FBLN7: variants seen among roughly 807,000 people sequenced by gnomAD.
FBLN7 encodes the protein fibulin 7.
Under a neutral mutation model 44.0 loss-of-function variants are expected in FBLN7, and 31 were observed. The observed-to-expected ratio is 0.70, with a 90% CI of 0.53 to 0.95. The LOEUF is 0.95. Among genes scored for constraint, FBLN7 ranks in the 40% least tolerant of loss-of-function variants. The probability of loss-of-function intolerance (pLI) is 0.00; values close to 1 mark genes in which losing one functional copy is unlikely to be tolerated. For synonymous variants in FBLN7, 262 were observed against 253.4 expected (o/e 1.03, Z -0.32); for missense variants, 573 against 618.5 (o/e 0.93, Z 0.78).
At chr2:112,193,001 A>G (rs999762632), downstream of FBLN7, among the ~76,000 whole-genome samples, 2 of 152,204 alleles carry the variant, frequency 1.3e-5, no homozygotes, top group African/African-American at 4.8e-5. Context: ...AACTACAAAA[A>G]CAAAAGCAGT....
chr2:112,160,846 GCGCA>G lies in FBLN7; in HGVS notation c.235+1013_235+1016del, dbSNP rs1365404827. The stretch of plus-strand genomic sequence containing the variant: ...CAAGCACGCATACACGCACGCACAC[GCGCA>G]CACACACACACACACACTCAGCCCG... On this transcript the variant is annotated intron_variant, in intron 2 of 7. Coordinates refer to ENST00000331203, the MANE Select transcript of FBLN7 (RefSeq NM_153214.3). Among the ~76,000 whole-genome samples, 81 of 105,364 alleles carry G rather than the reference GCGCA, an allele frequency of 7.7e-4. 1 individual carries two copies. Among genetic ancestry groups the G allele is most frequent in the African/African-American group, 3.0e-3 (78 of 25,616 alleles). 69.1% of individuals were successfully genotyped at this position (105,364 alleles called of 152,430 possible).
chr2:112,145,385 C>T (rs1483614767), intron 1 of FBLN7, among the ~76,000 whole-genome samples: 1 of 152,106 alleles, frequency 6.6e-6, no homozygotes, highest in African/African-American at 2.4e-5. Flanking sequence ...GACCCTCCTG[C>T]CTCAGCCTCT....
intron 1 of FBLN7, among the ~76,000 whole-genome samples, chr2:112,159,452 T>G (rs991809865): frequency 6.6e-6 from 1 of 152,138 alleles, no homozygotes; most frequent in African/African-American, 2.4e-5. Flanking sequence ...ACCCGGTCAT[T>G]TAGAGTCATC....
At chr2:112,150,963 C>T (rs1681129936) in intron 1 of FBLN7, among the ~76,000 whole-genome samples, 1 of 152,190 alleles carries the variant, frequency 6.6e-6, no homozygotes, top group Non-Finnish European at 1.5e-5. Context: ...CCACGAGCTA[C>T]TCCAGGTTAA....
At chr2:112,226,128 TAAGAC>T in the FBLN7 span, among the ~76,000 whole-genome samples, 1 of 151,496 alleles carries the variant, frequency 6.6e-6, no homozygotes, top group Non-Finnish European at 1.5e-5. Context: ...AAAAGGATTA[TAAGAC>T]AATACTATAA....
At chr2:112,178,526 A>G (rs1682840393) in intron 4 of FBLN7, among the ~76,000 whole-genome samples, 1 of 152,186 alleles carries the variant, frequency 6.6e-6, no homozygotes, top group East Asian at 1.9e-4. Context: ...TCTCGATACC[A>G]AAACCTGGCA....
At chr2:112,192,309 G>C (rs556211528), downstream of FBLN7, among the ~76,000 whole-genome samples, 1 of 152,150 alleles carries the variant, frequency 6.6e-6, no homozygotes, top group South Asian at 2.1e-4. Flanking sequence ...GAACATTCTT[G>C]TTCCTGAATC....
chr2:112,195,832 G>T, the FBLN7 span, among the ~76,000 whole-genome samples: 4 of 152,364 alleles, frequency 2.6e-5, no homozygotes, highest in South Asian at 6.2e-4. Flanking sequence ...TGTGGGCAAG[G>T]TGATGGACAA....
intron 1 of FBLN7, among the ~76,000 whole-genome samples, chr2:112,139,957 G>A (rs534508092): frequency 3.6e-4 from 23 of 63,356 alleles, no homozygotes; most frequent in African/African-American, 1.8e-3. Context: ...CTCTCTCCAC[G>A]CCAGTGTCCC....
At chr2:112,203,148 G>T in the FBLN7 span, among the ~76,000 whole-genome samples, 17 of 152,336 alleles carry the variant, frequency 1.1e-4, no homozygotes, top group East Asian at 2.5e-3. Flanking sequence ...GTGCAGGGAT[G>T]AGAACATGCC....
intron 6 of FBLN7, among the ~76,000 whole-genome samples, 186 bp from the exon 7 acceptor site, chr2:112,185,015 A>G (rs1454884941): frequency 2.0e-5 from 3 of 151,256 alleles, no homozygotes; most frequent in South Asian, 2.1e-4. Flanking sequence ...AGGGAGGGGC[A>G]CTCCCTGGCA....
At chr2:112,156,133 G>A (rs967672618) in intron 1 of FBLN7, among the ~76,000 whole-genome samples, 3 of 152,214 alleles carry the variant, frequency 2.0e-5, no homozygotes, top group Admixed American at 6.5e-5. Context: ...TGCCCAACCT[G>A]AACTTTGCAC....
chr2:112,216,682 G>GTAA, the FBLN7 span, among the ~76,000 whole-genome samples: 1 of 85,050 alleles, frequency 1.2e-5, no homozygotes. Context: ...TAGAACTGAA[G>GTAA]CAAAAAAAAA....
Position 112,187,651 on chromosome 2 carries a change from G to C in FBLN7, c.*145G>C. 9.2e-7 allele frequency: 1 copy of C among 1,089,832 alleles called. No homozygotes were observed. The highest frequency in any genetic ancestry group is 1.3e-6 in the Non-Finnish European group (1 of 760,820). 67.5% of individuals were successfully genotyped at this position (1,089,832 alleles called of 1,614,324 possible). On this transcript the variant is annotated 3_prime_UTR_variant, in exon 8 of 8. Coordinates refer to ENST00000331203, the MANE Select transcript of FBLN7 (RefSeq NM_153214.3). This position sits in a 1 kb window ranked among gnomAD's most constrained non-coding sequence, Gnocchi z 5.1. The stretch of plus-strand genomic sequence containing the variant: ...CAGGCTTCTAGGGCAGCGTTGCACG[G>C]CGCCCCATGGAATAGCACGGAAGAG...
chr2:112,169,637 C>T (rs1682346872), intron 3 of FBLN7, among the ~76,000 whole-genome samples: 3 of 152,152 alleles, frequency 2.0e-5, no homozygotes. Context: ...GAGCACCAGC[C>T]ATTCACAAAG....
At chr2:112,242,488 A>G in the FBLN7 span, among the ~76,000 whole-genome samples, 1 of 152,180 alleles carries the variant, frequency 6.6e-6, no homozygotes, top group Non-Finnish European at 1.5e-5. Flanking sequence ...TAAATTGACA[A>G]CATTTTGAGT....
the FBLN7 span, among the ~76,000 whole-genome samples, chr2:112,233,656 AG>A: frequency 6.6e-6 from 1 of 152,154 alleles, no homozygotes; most frequent in Non-Finnish European, 1.5e-5. Flanking sequence ...TCATGAGGTC[AG>A]GAGATCGAGA....
At chr2:112,146,059 G>A (rs748274712) in intron 1 of FBLN7, among the ~76,000 whole-genome samples, 4 of 152,200 alleles carry the variant, frequency 2.6e-5, no homozygotes, top group Non-Finnish European at 5.9e-5. Flanking sequence ...TGTGGCTCAC[G>A]CCTGTAATCC....
chr2:112,238,562 C>T, the FBLN7 span: 1 of 1,544,014 alleles, frequency 6.5e-7, no homozygotes. Context: ...TTTTAAAAAC[C>T]TAGCATGATT....
Sources: gnomAD v4.1 joint callset for allele counts (sites outside exome capture counted in the v4.1 genomes callset) on GRCh38, gnomAD v4.1.1 for gene constraint, Gnocchi (gnomAD v3.1) non-coding constraint, MANE v1.5 for transcripts, NCBI Gene and HGNC (gene_info 2026-07-23, HGNC 2026-07-21) for gene names.